Variants in P2RY14 observed in about 807,000 individuals in gnomAD.
The protein encoded by P2RY14 is P2Y purinoceptor 14.
In P2RY14, 2 loss-of-function variants were observed where a neutral mutation model predicts 0.9. That is an observed-to-expected ratio of 2.16 (90% CI 0.88 to 6.79). The LOEUF (loss-of-function observed/expected upper bound fraction) is 6.79. Ranked by LOEUF, P2RY14 falls within the 30% of genes most tolerant of loss-of-function variation. The pLI is 0.05. For synonymous variants in P2RY14, 158 were observed against 147.2 expected, an observed-to-expected ratio of 1.07 and a Z score of -0.53; for missense variants, 378 against 400.1, an observed-to-expected ratio of 0.94 and a Z score of 0.47.
At chr3:151,224,649 C>T (rs1014273978) in intron 1 of P2RY14, among the ~76,000 whole-genome samples, 1 of 152,092 alleles carries the variant, frequency 6.6e-6, no homozygotes, top group Non-Finnish European at 1.5e-5. Context: ...TCTTCTTCAC[C>T]CAGAAGAAGG....
intron 1 of P2RY14, among the ~76,000 whole-genome samples, chr3:151,274,722 T>C (rs1187419758): frequency 6.6e-6 from 1 of 152,220 alleles, no homozygotes; most frequent in Non-Finnish European, 1.5e-5. Context: ...TTATAAGTTA[T>C]AATATGTCCA....
At chr3:151,241,437 C>G (rs1201950691) in intron 1 of P2RY14, among the ~76,000 whole-genome samples, 1 of 151,988 alleles carries the variant, frequency 6.6e-6, no homozygotes, top group African/African-American at 2.4e-5. Context: ...ATGTGTTGAT[C>G]CCTAGCGACT....
intron 1 of P2RY14, among the ~76,000 whole-genome samples, chr3:151,249,397 AAAAC>A (rs1736407610): frequency 6.6e-6 from 1 of 152,224 alleles, no homozygotes; most frequent in Non-Finnish European, 1.5e-5. Context: ...ATTTGAGAGT[AAAAC>A]ATCTGCACGT....
intron 1 of P2RY14, chr3:151,261,493 G>A (rs951821173): frequency 2.6e-5 from 4 of 152,138 alleles, no homozygotes; most frequent in African/African-American, 7.2e-5. Flanking sequence ...TTCCGTTAGA[G>A]AGGTTGGTTG....
intron 1 of P2RY14, among the ~76,000 whole-genome samples, chr3:151,259,862 C>G (rs915155947): frequency 6.6e-6 from 1 of 152,226 alleles, no homozygotes; most frequent in Non-Finnish European, 1.5e-5. Context: ...CTGATTCCTT[C>G]ATGACGTCTC....
intron 1 of P2RY14, among the ~76,000 whole-genome samples, chr3:151,225,289 A>G (rs12636178): frequency 0.32 from 48,277 of 152,050 alleles, 7,770 homozygotes; most frequent in Non-Finnish European, 0.34. Flanking sequence ...GTGTTAGTCT[A>G]TTGTCTGCTG....
At chr3:151,220,650 C>T (rs573984733) in intron 1 of P2RY14, among the ~76,000 whole-genome samples, 1 of 152,328 alleles carries the variant, frequency 6.6e-6, no homozygotes, top group African/African-American at 2.4e-5. Context: ...TTGCCCTGCA[C>T]AAGCTCTCTT....
chr3:151,274,002 C>T (rs771768794), intron 1 of P2RY14, among the ~76,000 whole-genome samples: 2 of 152,104 alleles, frequency 1.3e-5, no homozygotes, highest in African/African-American at 2.4e-5. Context: ...CGTGTGGCCT[C>T]TAAAGCATTT....
intron 1 of P2RY14, among the ~76,000 whole-genome samples, chr3:151,219,904 CCTT>C (rs1317161254): frequency 6.6e-5 from 6 of 90,472 alleles, no homozygotes; most frequent in Admixed American, 6.5e-4. Flanking sequence ...CCCCCCCCCC[CCTT>C]GGATATGGAT....
chr3:151,232,083 T>C (rs1731792181), intron 1 of P2RY14, among the ~76,000 whole-genome samples: 3 of 152,210 alleles, frequency 2.0e-5, no homozygotes, highest in Admixed American at 2.0e-4. Flanking sequence ...AACAGTCTCC[T>C]GGGTGTCTCT....
chr3:151,230,396 C>T (rs1731416418), intron 1 of P2RY14, among the ~76,000 whole-genome samples: 1 of 152,140 alleles, frequency 6.6e-6, no homozygotes, highest in Non-Finnish European at 1.5e-5. Context: ...TATGTCTTGC[C>T]CTGCCCCAGG....
Position 151,213,129 on chromosome 3 carries a change from T to G in P2RY14, c.*171A>C. ...AGAAATTACTGATGGGTATGTTTTC[T>G]TTGATGTTACAAAAAAGCATGGAAA... On this transcript the variant is annotated 3_prime_UTR_variant, in exon 3 of 3. Coordinates refer to ENST00000309170, the MANE Select transcript of P2RY14 (RefSeq NM_014879.4). 1.9e-6 allele frequency: 1 copy of G among 534,906 alleles called. No individual in the cohort carries two copies. Among genetic ancestry groups the G allele is most frequent in the Non-Finnish European group, 3.2e-6 (1 of 309,524 alleles). 33.1% of individuals were successfully genotyped at this position (534,906 alleles called of 1,614,324 possible).
At chr3:151,253,196 A>C (rs912541948) in intron 1 of P2RY14, among the ~76,000 whole-genome samples, 1 of 152,180 alleles carries the variant, frequency 6.6e-6, no homozygotes, top group Non-Finnish European at 1.5e-5. Flanking sequence ...TCAGTGTCTG[A>C]GATTTAAGAG....
Position 151,213,741 on chromosome 3 carries a change from C to G in P2RY14, c.576G>C (p.Val192=). 1 of 1,614,112 alleles carries G rather than the reference C, an allele frequency of 6.2e-7. No homozygotes were observed. Among genetic ancestry groups the G allele is most frequent in the Non-Finnish European group, 8.5e-7 (1 of 1,179,996 alleles). The change falls in exon 3 of 3, where the codon GTG becomes GTC. Residue 192 remains valine (V), a synonymous_variant. Coordinates refer to ENST00000309170, the MANE Select transcript of P2RY14 (RefSeq NM_014879.4). ...AAAGAAACACAATCCAGAAGATGGC[C>G]ACGAAGATGTAGTTTGATGCTTTGT... The part of the protein sequence containing the change: ...KWHKASNYIF[V]AIFWIVFLLL...
chr3:151,213,803 AT>A lies in P2RY14; in HGVS notation c.513del (p.Lys171AsnfsTer3). On this transcript the variant is annotated frameshift_variant, in exon 3 of 3. Transcript: ENST00000309170. LOFTEE classifies it low-confidence loss of function (END_TRUNC). ...NQSVREVTQI[K>X]CIELKSELGR... Reference sequence around the variant, plus strand: ...CCCAGTTCACTTTTCAGTTCTATACATTTTATTTGTGTAACCTCCCTAACAC... The same window carrying A: ...CCCAGTTCACTTTTCAGTTCTATACATTTATTTGTGTAACCTCCCTAACAC... 1.2e-6 allele frequency: 2 copies of A among 1,614,188 alleles called. No individual in the cohort carries two copies. Among genetic ancestry groups the A allele is most frequent in the Non-Finnish European group, 1.7e-6 (2 of 1,180,038 alleles).
intron 1 of P2RY14, chr3:151,269,397 TCA>T (rs71801434): frequency 0.022 from 3,164 of 144,738 alleles, 42 homozygotes; most frequent in African/African-American, 0.032. Context: ...TGAAACTCCA[TCA>T]CACACACACA....
intron 1 of P2RY14, among the ~76,000 whole-genome samples, chr3:151,242,537 C>T (rs893832328): frequency 1.5e-4 from 23 of 152,206 alleles, no homozygotes; most frequent in Non-Finnish European, 2.4e-4. Context: ...GGTATTCCAA[C>T]AGACCTGCAG....
intron 1 of P2RY14, among the ~76,000 whole-genome samples, chr3:151,258,036 G>A (rs1171930189): frequency 6.6e-6 from 1 of 152,086 alleles, no homozygotes; most frequent in African/African-American, 2.4e-5. Context: ...ATTTATTTTT[G>A]ATATTCCTGA....
chr3:151,242,880 AG>A (rs1375255086), intron 1 of P2RY14, among the ~76,000 whole-genome samples: 2 of 149,140 alleles, frequency 1.3e-5, no homozygotes, highest in African/African-American at 4.9e-5. Context: ...AAAATTTAGA[AG>A]AATGTATAAC....
Sources: allele counts gnomAD v4.1 joint callset (sites outside exome capture counted in the v4.1 genomes callset), GRCh38; gene constraint gnomAD v4.1.1; transcripts MANE v1.5; gene names NCBI Gene and HGNC (gene_info 2026-07-23, HGNC 2026-07-21).